The following SCAI variants were observed in gnomAD, a reference collection of about 807,000 sequenced individuals.
The protein encoded by SCAI is suppressor of cancer cell invasion.
SCAI carries 24 observed loss-of-function variants against 92.2 expected under a neutral mutation model. The ratio of observed to expected loss-of-function variants is 0.26; its 90% CI spans 0.19 to 0.37. SCAI has a LOEUF of 0.37. SCAI is among the 10% of genes least tolerant of loss of function. The pLI is 1.00. For synonymous variants in SCAI, 261 were observed against 258.6 expected, an observed-to-expected ratio of 1.01 and a Z score of -0.09; for missense variants, 450 against 736.2, an observed-to-expected ratio of 0.61 and a Z score of 4.50.
intron 2 of SCAI, among the ~76,000 whole-genome samples, chr9:125,105,808 G>T (rs575189880): frequency 1.3e-5 from 2 of 151,992 alleles, no homozygotes; most frequent in South Asian, 4.2e-4. Flanking sequence ...CTAAGAAAAA[G>T]ATATAGTTGG....
intron 17 of SCAI, among the ~76,000 whole-genome samples, chr9:124,964,856 A>ATT (rs1831507770): frequency 6.6e-6 from 1 of 152,236 alleles, no homozygotes; most frequent in Admixed American, 6.5e-5. Flanking sequence ...CTTTTCTGTC[A>ATT]AGGTGCATTA....
chr9:125,041,819 C>T lies in SCAI; in HGVS notation c.231-12080G>A, dbSNP rs536435704. ...TTCCAGTCTAAATCAGTTATAAAGACACCAGTTTCTTTTTCAAAATAGGGT... is the reference window on the plus strand; with the variant it reads ...TTCCAGTCTAAATCAGTTATAAAGATACCAGTTTCTTTTTCAAAATAGGGT... On this transcript the variant is annotated intron_variant, in intron 3 of 17. Transcript: ENST00000336505. Among the ~76,000 whole-genome samples, 9 of 152,202 alleles carry T rather than the reference C, an allele frequency of 5.9e-5. No homozygotes were observed. The South Asian group carries it at 1.9e-3, about 32-fold the overall frequency.
chr9:125,073,108 T>C (rs893488150), intron 2 of SCAI, among the ~76,000 whole-genome samples: 3 of 113,590 alleles, frequency 2.6e-5, no homozygotes, highest in African/African-American at 9.9e-5. Flanking sequence ...TTTTTTTTTT[T>C]TTTTTTTTTT....
chr9:124,986,012 C>G (rs1831983177), intron 14 of SCAI, among the ~76,000 whole-genome samples: 1 of 151,886 alleles, frequency 6.6e-6, no homozygotes, highest in Non-Finnish European at 1.5e-5. Context: ...AATGGAGTGT[C>G]CGGGCGCGGT....
At chr9:125,136,373 T>C (rs1158809237) in intron 2 of SCAI, among the ~76,000 whole-genome samples, 1 of 151,886 alleles carries the variant, frequency 6.6e-6, no homozygotes, top group Non-Finnish European at 1.5e-5. Context: ...AATTAATTCA[T>C]CTTGAAGTGT....
chr9:125,103,703 G>A (rs1164505390), intron 2 of SCAI, among the ~76,000 whole-genome samples: 1 of 152,058 alleles, frequency 6.6e-6, no homozygotes, highest in Non-Finnish European at 1.5e-5. Flanking sequence ...AAGTGATGTT[G>A]TTTCACCTTA....
intron 3 of SCAI, among the ~76,000 whole-genome samples, chr9:125,032,195 A>ATATATATAT (rs1177865840): frequency 1.8e-3 from 176 of 99,390 alleles, no homozygotes; most frequent in Non-Finnish European, 2.5e-3. Context: ...ATATATATAT[A>ATATATATAT]TTTTTTTTTT....
At chr9:125,115,539 A>G (rs568448695) in intron 2 of SCAI, among the ~76,000 whole-genome samples, 2 of 152,294 alleles carry the variant, frequency 1.3e-5, no homozygotes, top group East Asian at 3.9e-4. Context: ...GTTTAAATGG[A>G]GTATATCAAT....
At chr9:125,012,441 T>G (rs1832658909) in intron 9 of SCAI, among the ~76,000 whole-genome samples, 2 of 152,154 alleles carry the variant, frequency 1.3e-5, no homozygotes, top group Admixed American at 1.3e-4. Context: ...AAGAAGGCCA[T>G]TACATAATGG....
chr9:125,005,757 C>A (rs1337617102), intron 9 of SCAI, among the ~76,000 whole-genome samples: 1 of 152,078 alleles, frequency 6.6e-6, no homozygotes, highest in Non-Finnish European at 1.5e-5. Context: ...GGAAGATGGC[C>A]CCTCCCACAC....
At chr9:125,140,233 A>G (rs1017858827) in intron 2 of SCAI, among the ~76,000 whole-genome samples, 2 of 151,852 alleles carry the variant, frequency 1.3e-5, no homozygotes, top group African/African-American at 2.4e-5. Flanking sequence ...AAAAGGAAAA[A>G]GAAGTAAGTG....
At chr9:125,053,693 C>T (rs140797800) in intron 3 of SCAI, among the ~76,000 whole-genome samples, 18 of 152,148 alleles carry the variant, frequency 1.2e-4, no homozygotes, top group African/African-American at 3.9e-4. Flanking sequence ...TAATAGGAAC[C>T]GGATTTCTTT....
chr9:125,136,160 G>C (rs1284002608), intron 2 of SCAI, among the ~76,000 whole-genome samples: 1 of 150,116 alleles, frequency 6.7e-6, no homozygotes, highest in Non-Finnish European at 1.5e-5. Context: ...GCCCAGGCTG[G>C]AGTGCAGTGG....
intron 14 of SCAI, among the ~76,000 whole-genome samples, chr9:124,988,602 A>G (rs547944448): frequency 4.6e-5 from 7 of 152,182 alleles, no homozygotes; most frequent in Non-Finnish European, 8.8e-5. Flanking sequence ...AAAAATCTCA[A>G]TAAAAGGCTT....
At chr9:125,114,741 G>A (rs62580569) in intron 2 of SCAI, among the ~76,000 whole-genome samples, 4,956 of 145,180 alleles carry the variant, frequency 0.034, 115 homozygotes, top group Middle Eastern at 0.07. Flanking sequence ...AGTAGCTGGC[G>A]CTACAGGTGC....
intron 2 of SCAI, among the ~76,000 whole-genome samples, chr9:125,100,956 G>A (rs915932557): frequency 7.2e-5 from 11 of 152,188 alleles, no homozygotes; most frequent in Admixed American, 1.3e-4. Flanking sequence ...TGGGCACGGT[G>A]ATGCATGCCT....
chr9:124,952,902 C>T lies in SCAI; in HGVS notation c.1726G>A (p.Val576Met). ...TGCTTCTGGAGATGAGGATTCTCCACTGTTTCATCCCTTGGCAGTTGTGGA... is the reference window on the plus strand; with the variant it reads ...TGCTTCTGGAGATGAGGATTCTCCATTGTTTCATCCCTTGGCAGTTGTGGA... ...SYPQLPRDETVENPHLQKHIL... is the reference protein window; with the variant it reads ...SYPQLPRDETMENPHLQKHIL... Residue 576 changes from valine (V) to methionine (M), a missense_variant, in exon 18 of 18, where the codon GTG (valine) becomes ATG (methionine). By Grantham distance (21) the Val-to-Met change is conservative. Coordinates refer to ENST00000336505, the MANE Select transcript of SCAI (RefSeq NM_001144877.3). 1 of 1,613,104 alleles carries T rather than the reference C, an allele frequency of 6.2e-7. No homozygotes were observed. The highest frequency in any genetic ancestry group is 8.5e-7 in the Non-Finnish European group (1 of 1,179,140).
intron 4 of SCAI, among the ~76,000 whole-genome samples, chr9:125,029,251 A>G (rs985538188): frequency 6.6e-6 from 1 of 152,092 alleles, no homozygotes; most frequent in Non-Finnish European, 1.5e-5. Context: ...CCTCCTAAGT[A>G]GCTGGGATTA....
intron 2 of SCAI, among the ~76,000 whole-genome samples, chr9:125,104,603 TAAAAAAAAA>T (rs34277435): frequency 5.4e-5 from 7 of 130,416 alleles, no homozygotes; most frequent in Non-Finnish European, 1.1e-4. Context: ...TGTTTTACTT[TAAAAAAAAA>T]AAAAAAAAAA....
Sources: gnomAD v4.1 joint callset for allele counts (sites outside exome capture counted in the v4.1 genomes callset) on GRCh38, gnomAD v4.1.1 for gene constraint, MANE v1.5 for transcripts, NCBI Gene and HGNC (gene_info 2026-07-23, HGNC 2026-07-21) for gene names.